The following NUP153 variants were observed in gnomAD, a reference collection of about 807,000 sequenced individuals.
NUP153 encodes the protein nucleoporin 153.
In NUP153, 27 loss-of-function variants were observed where a neutral mutation model predicts 134.6. The ratio of observed to expected loss-of-function variants is 0.20; its 90% CI spans 0.15 to 0.28. The LOEUF (loss-of-function observed/expected upper bound fraction) is 0.28, where lower values mean the gene tolerates loss of function less well. NUP153 is among the 10% of genes least tolerant of loss of function. The pLI, the probability that NUP153 is intolerant of heterozygous loss-of-function variation, is 1.00. For synonymous variants in NUP153, 640 were observed against 623.5 expected (o/e 1.03, Z -0.40); for missense variants, 1,821 against 1,731.3 (o/e 1.05, Z -0.92).
At position 17,686,881 on chromosome 6, in the gene NUP153, C is replaced by CG. The variant is rs1438006053; in HGVS notation, c.334+1514dup. On this transcript the variant is annotated intron_variant, in intron 2 of 21. Transcript: ENST00000262077. The stretch of plus-strand genomic sequence containing the variant: ...TTGTTGAAGCTCAGTAATGGGCAGC[C>CG]GGGGGCGGGCGGCGGGGGAGGGGGG... Among the ~76,000 whole-genome samples the CG allele has an allele frequency of 3.3e-5, 3 of 91,046 alleles. No homozygotes were observed. In the East Asian group the frequency reaches 9.0e-4, roughly 27 times the overall value. 59.7% of individuals were successfully genotyped at this position (91,046 alleles called of 152,430 possible).
At chr6:17,700,547 T>TG (rs1200847095) in intron 1 of NUP153, among the ~76,000 whole-genome samples, 1 of 152,222 alleles carries the variant, frequency 6.6e-6, no homozygotes, top group African/African-American at 2.4e-5. Flanking sequence ...GTTAAAAACT[T>TG]GGTGACTTCT....
Position 17,624,654 on chromosome 6 carries a change from T to C in NUP153, c.4081A>G (p.Thr1361Ala). The C allele has an allele frequency of 6.2e-7, 1 of 1,614,038 alleles. No homozygotes were observed. The highest frequency in any genetic ancestry group is 8.5e-7 in the Non-Finnish European group (1 of 1,180,006). The change falls in exon 20 of 22, where the codon ACT (threonine) becomes GCT (alanine). Residue 1361 changes from threonine to alanine, a missense_variant. Coordinates refer to ENST00000262077, the MANE Select transcript of NUP153 (RefSeq NM_005124.4). Reference protein sequence around the residue: ...FPTGSQPAPPTFGTVSSSSQP... With the variant: ...FPTGSQPAPPAFGTVSSSSQP... Reference sequence around the variant, plus strand: ...CTACTGCTTGACACTGTCCCAAAAGTAGGTGGTGCAGGCTGAGAACCAGTG... The same window carrying C: ...CTACTGCTTGACACTGTCCCAAAAGCAGGTGGTGCAGGCTGAGAACCAGTG...
Position 17,637,566 on chromosome 6 carries a change from G to C in NUP153, c.2051C>G (p.Ala684Gly), listed in dbSNP as rs756058586. 2 of 1,614,126 alleles carry C rather than the reference G, an allele frequency of 1.2e-6. No individual in the cohort carries two copies. Among genetic ancestry groups the C allele is most frequent in the East Asian group, 2.2e-5 (1 of 44,882 alleles). ...TDNKCIACQA[A>G]KLSPRDTAKQ... ...AGCAGTATCTCTGGGTGACAATTTTGCTGCTTGACAGGCTATGCATTTGTT... is the reference window on the plus strand; with the variant it reads ...AGCAGTATCTCTGGGTGACAATTTTCCTGCTTGACAGGCTATGCATTTGTT... Residue 684 changes from alanine (A) to glycine (G), a missense_variant, in exon 16 of 22, where the codon GCA becomes GGA. Physicochemically the swap from Ala to Gly is moderately conservative, Grantham distance 60. Transcript: ENST00000262077.
In NUP153 at chr6:17,680,100, G is replaced by A. The variant is rs1768489743; in HGVS notation, c.335-4330C>T. 6.6e-6 allele frequency among the ~76,000 whole-genome samples: 1 copy of A among 152,150 alleles called. No homozygotes were observed. Among genetic ancestry groups the A allele is most frequent in the African/African-American group, 2.4e-5 (1 of 41,436 alleles). On this transcript the variant is annotated intron_variant, in intron 2 of 21. Transcript: ENST00000262077. The surrounding 1 kb of genome is among the most constrained non-coding windows in gnomAD (Gnocchi z 4.5). Reference sequence around the variant, plus strand: ...CCTACTGGCTTTTTCCGGGAAGCCAGGAAGAGGATCCTTGAGCCTCACCTC... The same window carrying A: ...CCTACTGGCTTTTTCCGGGAAGCCAAGAAGAGGATCCTTGAGCCTCACCTC...
intron 16 of NUP153, among the ~76,000 whole-genome samples, chr6:17,636,734 C>T (rs527312846): frequency 3.8e-4 from 58 of 152,314 alleles, no homozygotes; most frequent in Non-Finnish European, 7.1e-4. Context: ...CAGCTACAGC[C>T]TTTTCATTAA....
intron 1 of NUP153, among the ~76,000 whole-genome samples, chr6:17,690,160 G>T (rs1769186665): frequency 1.4e-5 from 2 of 147,720 alleles, no homozygotes; most frequent in African/African-American, 4.9e-5. Flanking sequence ...AGACCATCCT[G>T]GCTAACACAG....
In NUP153 at chr6:17,706,666, CT is replaced by C; in HGVS notation, c.-280del. 1.9e-6 allele frequency: 1 copy of C among 520,858 alleles called. No individual in the cohort carries two copies. The highest frequency in any genetic ancestry group is 2.1e-5 in the South Asian group (1 of 47,392). 32.3% of individuals were successfully genotyped at this position (520,858 alleles called of 1,614,324 possible). ...CCCCCGCCTCTGTGTGTGTCACGGT[CT>C]CTATGGAGATCTCCCGCAGAGGACA... On this transcript the variant is annotated 5_prime_UTR_variant, in exon 1 of 22. Transcript: ENST00000262077. This position sits in a 1 kb window ranked among gnomAD's most constrained non-coding sequence, Gnocchi z 5.9.
chr6:17,665,266 A>G lies in NUP153; in HGVS notation c.1188T>C (p.Thr396=), dbSNP rs993041076. Residue 396 remains threonine, a synonymous_variant, in exon 9 of 22, where the codon ACT becomes ACC. Coordinates refer to ENST00000262077, the MANE Select transcript of NUP153 (RefSeq NM_005124.4). ...TGCACTTGTTATCTATTCTTTGATTAGTCTTCCTGAATTCACCAGAAGGAG... is the reference window on the plus strand; with the variant it reads ...TGCACTTGTTATCTATTCTTTGATTGGTCTTCCTGAATTCACCAGAAGGAG... ...SLTPSGEFRK[T]NQRIDNKCST... is the part of the protein sequence containing the mutation. 3 of 1,607,936 alleles carry G rather than the reference A, an allele frequency of 1.9e-6. No homozygotes were observed. The highest frequency in any genetic ancestry group is 1.7e-6 in the Non-Finnish European group (2 of 1,174,594).
At position 17,632,860 on chromosome 6, in the gene NUP153, A is replaced by AAC; in HGVS notation, c.2465-17_2465-16insGT. ...ACTGAACTTCCTAAAAAAAAAAAAA[A>AAC]AAACGGGGAGTGGGGGGAGATTTCA... is the stretch of plus-strand genomic sequence containing the variant. On this transcript the variant is annotated splice_polypyrimidine_tract_variant and intron_variant, in intron 16 of 21. Coordinates refer to ENST00000262077, the MANE Select transcript of NUP153 (RefSeq NM_005124.4). 6.5e-7 allele frequency: 1 copy of AAC among 1,539,788 alleles called. No individual in the cohort carries two copies. Among genetic ancestry groups the AAC allele is most frequent in the Non-Finnish European group, 8.7e-7 (1 of 1,151,934 alleles).
intron 2 of NUP153, among the ~76,000 whole-genome samples, chr6:17,681,923 C>G (rs1351772949): frequency 6.6e-6 from 1 of 151,946 alleles, no homozygotes; most frequent in Non-Finnish European, 1.5e-5. Context: ...AAATCCAACA[C>G]AGGCCAGGTG....
chr6:17,636,729 A>G (rs535552990), intron 16 of NUP153, among the ~76,000 whole-genome samples: 4 of 152,338 alleles, frequency 2.6e-5, no homozygotes, highest in African/African-American at 4.8e-5. Flanking sequence ...TGCAACAGCT[A>G]CAGCCTTTTC....
chr6:17,687,312 G>A (rs1259532185), intron 2 of NUP153, among the ~76,000 whole-genome samples: 4 of 152,078 alleles, frequency 2.6e-5, no homozygotes, highest in African/African-American at 4.8e-5. Context: ...GGAAACAGAG[G>A]GGGGAAAACA....
intron 20 of NUP153, among the ~76,000 whole-genome samples, chr6:17,619,371 C>T (rs1204322433): frequency 6.6e-6 from 1 of 152,078 alleles, no homozygotes; most frequent in East Asian, 1.9e-4. Context: ...AGGGGAGTAA[C>T]AGGAAAGACA....
rs1765032368 is a variant in NUP153, at chr6:17,628,086, C to CTGCTAT, written c.3544+563_3544+568dup. Among the ~76,000 whole-genome samples, 1 of 152,158 alleles carries CTGCTAT rather than the reference C, an allele frequency of 6.6e-6. No individual in the cohort carries two copies. The highest frequency in any genetic ancestry group is 6.5e-5 in the Admixed American group (1 of 15,284). The stretch of plus-strand genomic sequence containing the variant: ...CTGATTATCAGCTATGAAGTTCTTC[C>CTGCTAT]TGCTATTCAGCTCACAGAATGACTT... On this transcript the variant is annotated intron_variant, in intron 18 of 21. Coordinates refer to ENST00000262077, the MANE Select transcript of NUP153 (RefSeq NM_005124.4). The surrounding 1 kb of genome is among the most constrained non-coding windows in gnomAD (Gnocchi z 5.4).
At chr6:17,630,216 G>A (rs938033597) in intron 17 of NUP153, among the ~76,000 whole-genome samples, 1 of 152,148 alleles carries the variant, frequency 6.6e-6, no homozygotes, top group Non-Finnish European at 1.5e-5. Flanking sequence ...AGGGAAGGTG[G>A]AAAAAGAGAC....
Position 17,661,699 on chromosome 6 carries a change from C to G in NUP153, c.1349G>C (p.Arg450Thr), listed in dbSNP as rs1276391601. 6.2e-7 allele frequency: 1 copy of G among 1,613,976 alleles called. No homozygotes were observed. The highest frequency in any genetic ancestry group is 1.7e-5 in the Admixed American group (1 of 60,016). Residue 450 changes from arginine (R) to threonine (T), a missense_variant, in exon 11 of 22, where the codon AGA (arginine) becomes ACA (threonine). Coordinates refer to ENST00000262077, the MANE Select transcript of NUP153 (RefSeq NM_005124.4). Reference sequence around the variant, plus strand: ...AGCAACAAAGCGTGTTCTTTCTCGTCTCATCTTGCCACCTCCACCACCTAC... The same window carrying G: ...AGCAACAAAGCGTGTTCTTTCTCGTGTCATCTTGCCACCTCCACCACCTAC... Reference protein sequence around the residue: ...SGVGGGGGKMRRERTRFVASK... With the variant: ...SGVGGGGGKMTRERTRFVASK...
At chr6:17,627,457 A>C (rs1274046749) in intron 18 of NUP153, among the ~76,000 whole-genome samples, 4 of 152,288 alleles carry the variant, frequency 2.6e-5, no homozygotes, top group African/African-American at 9.6e-5. Context: ...TGCACATCTA[A>C]AAACATCTGT....
intron 1 of NUP153, among the ~76,000 whole-genome samples, chr6:17,704,007 CA>C (rs1445898714): frequency 6.6e-6 from 1 of 152,096 alleles, no homozygotes; most frequent in Non-Finnish European, 1.5e-5. Context: ...AAGCTGTGAT[CA>C]GGGGCCGGGC....
In NUP153 at chr6:17,669,312, A is replaced by G. The variant is rs1247510466; in HGVS notation, c.995T>C (p.Val332Ala). Residue 332 changes from valine (V) to alanine (A), a missense_variant, in exon 7 of 22, where the codon GTT (valine) becomes GCT (alanine). Val to Ala is a moderately conservative substitution (Grantham distance 64). Transcript: ENST00000262077. ...LADAKRIPSI[V>A]SSPLNSPLDR... ...ACTTACAGAATTCAGAGGAGAAGAA[A>G]CAATGGATGGAATTCTTTTTGCATC... 2 of 1,610,642 alleles carry G rather than the reference A, an allele frequency of 1.2e-6. No individual in the cohort carries two copies. The highest frequency in any genetic ancestry group is 2.7e-5 in the African/African-American group (2 of 74,992).
Sources: gnomAD v4.1 joint callset for allele counts (sites outside exome capture counted in the v4.1 genomes callset) on GRCh38, gnomAD v4.1.1 for gene constraint, Gnocchi (gnomAD v3.1) non-coding constraint, MANE v1.5 for transcripts, NCBI Gene and HGNC (gene_info 2026-07-23, HGNC 2026-07-21) for gene names.